GPHN: variants seen among roughly 807,000 people sequenced by gnomAD.
The protein encoded by GPHN is gephyrin.
GPHN carries 17 observed loss-of-function variants against 95.5 expected under a neutral mutation model. The ratio of observed to expected loss-of-function variants is 0.18; its 90% CI spans 0.12 to 0.27. The LOEUF (loss-of-function observed/expected upper bound fraction) is 0.27. Among genes scored for constraint, GPHN ranks in the 10% least tolerant of loss-of-function variants. The probability of loss-of-function intolerance (pLI) is 1.00; values close to 1 mark genes in which losing one functional copy is unlikely to be tolerated. For missense variants in GPHN, 660 were observed against 978.1 expected (o/e 0.67, Z 4.34); for synonymous variants, 320 against 322.5 (o/e 0.99, Z 0.08).
Position 66,771,682 on chromosome 14 carries a change from G to A in GPHN, c.144-4782G>A, listed in dbSNP as rs111381762. Among the ~76,000 whole-genome samples, 432 of 150,904 alleles carry A rather than the reference G, an allele frequency of 2.9e-3. 10 individuals are homozygous for A. The highest frequency in any genetic ancestry group is 1.0e-2 in the African/African-American group (409 of 41,070). ...GCTCGTGTGCTGCACCCACTAACTC[G>A]TCATCTAGCATTAGGTATATCTCCC... On this transcript the variant is annotated intron_variant, in intron 2 of 22. Coordinates refer to ENST00000478722, the MANE Select transcript of GPHN (RefSeq NM_020806.5).
chr14:67,142,097 G>C (rs1247089557), intron 17 of GPHN, among the ~76,000 whole-genome samples: 1 of 152,112 alleles, frequency 6.6e-6, no homozygotes, highest in Admixed American at 6.6e-5. Context: ...AGGTAGCCAG[G>C]GTTACTCCCT....
chr14:66,689,534 A>T (rs555783689), intron 2 of GPHN, among the ~76,000 whole-genome samples: 1 of 152,244 alleles, frequency 6.6e-6, no homozygotes, highest in South Asian at 2.1e-4. Flanking sequence ...TCCTTGGTCT[A>T]GTTTTAGTAT....
At chr14:67,235,437 C>T in the GPHN span, among the ~76,000 whole-genome samples, 27 of 152,178 alleles carry the variant, frequency 1.8e-4, no homozygotes, top group Middle Eastern at 3.4e-3. Context: ...TTCTCAGGGC[C>T]AGGCGCGGTG....
chr14:66,853,370 A>T (rs915928295), intron 4 of GPHN, among the ~76,000 whole-genome samples: 4 of 152,330 alleles, frequency 2.6e-5, no homozygotes, highest in Admixed American at 2.0e-4. Flanking sequence ...TCTTCAACAC[A>T]GATTCAAAGA....
the GPHN span, among the ~76,000 whole-genome samples, chr14:67,378,527 C>T: frequency 2.7e-4 from 41 of 152,136 alleles, no homozygotes; most frequent in Non-Finnish European, 5.0e-4. Context: ...AGTATTCAAA[C>T]GCGTGCATTC....
the GPHN span, among the ~76,000 whole-genome samples, chr14:67,520,476 A>G: frequency 6.6e-6 from 1 of 152,250 alleles, no homozygotes; most frequent in Non-Finnish European, 1.5e-5. Flanking sequence ...TTAGTAATAT[A>G]CATTTAAGTT....
At chr14:67,032,110 A>G (rs148594109) in intron 10 of GPHN, among the ~76,000 whole-genome samples, 339 of 152,368 alleles carry the variant, frequency 2.2e-3, no homozygotes, top group African/African-American at 7.8e-3. Context: ...TTTACCTGTG[A>G]TAGTCCCTCC....
intron 4 of GPHN, among the ~76,000 whole-genome samples, chr14:66,849,817 G>A (rs1237342959): frequency 2.0e-5 from 3 of 151,952 alleles, no homozygotes; most frequent in Admixed American, 6.6e-5. Flanking sequence ...AATAATTTTG[G>A]TAAGGTCAAA....
intron 9 of GPHN, among the ~76,000 whole-genome samples, chr14:67,002,309 C>CTTTTTTTTTTTTTTT (rs1177817698): frequency 1.7e-5 from 1 of 58,756 alleles, no homozygotes; most frequent in Non-Finnish European, 3.1e-5. Context: ...CTTTGTGTTG[C>CTTTTTTTTTTTTTTT]TTTTTTTTTT....
the GPHN span, among the ~76,000 whole-genome samples, chr14:67,381,895 A>C: frequency 6.6e-6 from 1 of 152,160 alleles, no homozygotes; most frequent in East Asian, 1.9e-4. Context: ...TGTTACTATC[A>C]CAGTGGATGG....
the GPHN span, among the ~76,000 whole-genome samples, chr14:67,547,608 G>C: frequency 6.6e-6 from 1 of 152,110 alleles, no homozygotes. Flanking sequence ...TACATGGGCT[G>C]ATGACTGCAG....
At chr14:67,180,652 G>A in intron 22 of GPHN, 152 bp from the exon 23 acceptor site, 1 of 703,932 alleles carries the variant, frequency 1.4e-6, no homozygotes, top group East Asian at 2.7e-5. Flanking sequence ...ATAATAGCAT[G>A]GCCACCTGAA....
chr14:66,932,452 T>TTG, intron 8 of GPHN, among the ~76,000 whole-genome samples: 1 of 115,748 alleles, frequency 8.6e-6, no homozygotes, highest in South Asian at 3.4e-4. Flanking sequence ...AGGTTTTTTT[T>TTG]TTTTTTTTTT....
intron 9 of GPHN, among the ~76,000 whole-genome samples, chr14:66,997,236 G>A (rs956680474): frequency 4.0e-5 from 6 of 151,784 alleles, no homozygotes; most frequent in African/African-American, 9.7e-5. Context: ...ACGTGGTGGC[G>A]CACACCTGTA....
intron 1 of GPHN, among the ~76,000 whole-genome samples, chr14:66,540,283 G>T (rs1272145685): frequency 6.6e-6 from 1 of 152,110 alleles, no homozygotes; most frequent in African/African-American, 2.4e-5. Flanking sequence ...TAAAACTTCT[G>T]CTTGGATGTT....
At chr14:67,716,230 CCTAA>C in the GPHN span, among the ~76,000 whole-genome samples, 10 of 151,178 alleles carry the variant, frequency 6.6e-5, no homozygotes, top group South Asian at 2.1e-4. Flanking sequence ...AAAGAAATTG[CCTAA>C]CTAAGTTATA....
At chr14:67,443,635 G>A in the GPHN span, among the ~76,000 whole-genome samples, 1 of 152,054 alleles carries the variant, frequency 6.6e-6, no homozygotes, top group African/African-American at 2.4e-5. Flanking sequence ...AGACACAGTG[G>A]TGCACACCTC....
intron 1 of GPHN, among the ~76,000 whole-genome samples, chr14:66,566,981 CAG>C (rs1367322828): frequency 3.3e-5 from 5 of 152,118 alleles, no homozygotes; most frequent in South Asian, 2.1e-4. Flanking sequence ...GTCTTTAAAA[CAG>C]TGTGGTTGGC....
intron 1 of GPHN, among the ~76,000 whole-genome samples, chr14:66,514,770 C>T (rs1024879149): frequency 2.0e-5 from 3 of 152,030 alleles, no homozygotes; most frequent in Non-Finnish European, 4.4e-5. Context: ...TCAGGACTGA[C>T]TTTGTCAATA....
Sources: allele counts gnomAD v4.1 joint callset (sites outside exome capture counted in the v4.1 genomes callset), GRCh38; gene constraint gnomAD v4.1.1; transcripts MANE v1.5; gene names NCBI Gene and HGNC (gene_info 2026-07-23, HGNC 2026-07-21).